SGMS1: variants seen among roughly 807,000 people sequenced by gnomAD.
SGMS1 encodes the protein sphingomyelin synthase 1.
A neutral mutation model predicts 46.2 loss-of-function variants in SGMS1; 13 were observed. That is an observed-to-expected ratio of 0.28 (90% CI 0.18 to 0.45). The LOEUF (loss-of-function observed/expected upper bound fraction) is 0.45. Among genes scored for constraint, SGMS1 ranks in the 20% least tolerant of loss-of-function variants. The pLI, the probability that SGMS1 is intolerant of heterozygous loss-of-function variation, is 1.00. For missense variants in SGMS1, 324 were observed against 519.9 expected (o/e 0.62, Z 3.66); for synonymous variants, 203 against 187.8 (o/e 1.08, Z -0.66).
intron 5 of SGMS1, among the ~76,000 whole-genome samples, chr10:50,458,979 C>G (rs1286716170): frequency 2.0e-5 from 3 of 152,132 alleles, no homozygotes; most frequent in Non-Finnish European, 4.4e-5. Context: ...TGAGCCAAAA[C>G]TAAGTACTTG....
At chr10:50,619,605 A>G (rs958612974) in intron 1 of SGMS1, among the ~76,000 whole-genome samples, 4 of 152,222 alleles carry the variant, frequency 2.6e-5, no homozygotes, top group African/African-American at 9.6e-5. Flanking sequence ...GCACAGTGAG[A>G]GGATCCTGTG....
At chr10:50,538,237 C>T (rs1265045786) in intron 2 of SGMS1, among the ~76,000 whole-genome samples, 2 of 151,984 alleles carry the variant, frequency 1.3e-5, no homozygotes, top group Non-Finnish European at 2.9e-5. Flanking sequence ...GCAGGCAGAT[C>T]ATGAGCTCAG....
At chr10:50,493,054 T>C (rs1460294004) in intron 3 of SGMS1, among the ~76,000 whole-genome samples, 1 of 151,956 alleles carries the variant, frequency 6.6e-6, no homozygotes, top group Non-Finnish European at 1.5e-5. Context: ...ACAACAATGC[T>C]GCTTCAAAAC....
intron 1 of SGMS1, among the ~76,000 whole-genome samples, chr10:50,611,596 C>T (rs1838750087): frequency 6.6e-6 from 1 of 152,238 alleles, no homozygotes; most frequent in Non-Finnish European, 1.5e-5. Flanking sequence ...TCACTGCCCT[C>T]ACCTACTCTG....
At chr10:50,546,356 G>A (rs1838100683) in intron 2 of SGMS1, among the ~76,000 whole-genome samples, 1 of 151,936 alleles carries the variant, frequency 6.6e-6, no homozygotes, top group Non-Finnish European at 1.5e-5. Context: ...ATTTGACCCA[G>A]CCATCCCATT....
intron 4 of SGMS1, among the ~76,000 whole-genome samples, chr10:50,461,324 G>A (rs1028821129): frequency 6.6e-6 from 1 of 152,072 alleles, no homozygotes; most frequent in Non-Finnish European, 1.5e-5. Context: ...AGTTATATAT[G>A]TGTAAATGGT....
chr10:50,424,594 T>G (rs937258746), intron 6 of SGMS1, among the ~76,000 whole-genome samples: 11 of 152,090 alleles, frequency 7.2e-5, no homozygotes, highest in Admixed American at 2.6e-4. Flanking sequence ...AGCAAAACAA[T>G]CAACAGAATA....
intron 3 of SGMS1, among the ~76,000 whole-genome samples, chr10:50,482,793 T>G (rs1837488437): frequency 6.6e-6 from 1 of 152,164 alleles, no homozygotes; most frequent in Non-Finnish European, 1.5e-5. Flanking sequence ...GACCCATCTG[T>G]GCACTGTATT....
chr10:50,495,999 C>T (rs1245620304), intron 3 of SGMS1, among the ~76,000 whole-genome samples: 1 of 152,032 alleles, frequency 6.6e-6, no homozygotes, highest in Non-Finnish European at 1.5e-5. Flanking sequence ...AAAAAATGAA[C>T]AATTTTTTAA....
At chr10:50,592,768 G>A (rs1051230040) in intron 1 of SGMS1, among the ~76,000 whole-genome samples, 2 of 152,134 alleles carry the variant, frequency 1.3e-5, no homozygotes, top group African/African-American at 4.8e-5. Context: ...AACACATTCA[G>A]TATCTATAAA....
intron 7 of SGMS1, 45 bp from the exon 8 acceptor site, chr10:50,327,367 T>C (rs1564875544): frequency 1.8e-6 from 2 of 1,123,202 alleles, no homozygotes; most frequent in South Asian, 2.7e-5. Flanking sequence ...CAAGAAATTC[T>C]GTAGGTTCAT....
upstream of SGMS1, chr10:50,624,092 G>C: frequency 1.0e-6 from 1 of 985,224 alleles, no homozygotes; most frequent in South Asian, 4.7e-5. Flanking sequence ...CCGGGACCGA[G>C]CGGGACCCCG....
intron 6 of SGMS1, among the ~76,000 whole-genome samples, chr10:50,428,320 T>C (rs183495623): frequency 2.2e-4 from 34 of 152,218 alleles, no homozygotes; most frequent in African/African-American, 8.2e-4. Flanking sequence ...TAAAGTGTCT[T>C]CTCAGAAATG....
intron 3 of SGMS1, among the ~76,000 whole-genome samples, chr10:50,476,116 A>AAT: frequency 6.8e-6 from 1 of 146,886 alleles, no homozygotes; most frequent in Non-Finnish European, 1.5e-5. Flanking sequence ...AAAAAAAAAA[A>AAT]AAAAAAAATT....
chr10:50,522,524 T>G (rs950763808), intron 2 of SGMS1, among the ~76,000 whole-genome samples: 8 of 152,300 alleles, frequency 5.3e-5, no homozygotes, highest in South Asian at 2.1e-4. Flanking sequence ...CCTGTTACTT[T>G]GCATGCTTCT....
At chr10:50,320,559 C>T (rs1452546488) in intron 8 of SGMS1, among the ~76,000 whole-genome samples, 1 of 152,168 alleles carries the variant, frequency 6.6e-6, no homozygotes, top group Non-Finnish European at 1.5e-5. Flanking sequence ...AAAACTTTTC[C>T]TGGCTTCCTA....
Position 50,561,176 on chromosome 10 carries a change from A to T in SGMS1, c.-589+28977T>A, listed in dbSNP as rs146974013. On this transcript the variant is annotated intron_variant, in intron 2 of 10. Coordinates refer to ENST00000361781, the MANE Select transcript of SGMS1 (RefSeq NM_147156.4). ...TGATACGACCTCAGGAAAAATCAACATTTCTCTGGGTCTTTTGTCACTTGC... is the reference window on the plus strand; with the variant it reads ...TGATACGACCTCAGGAAAAATCAACTTTTCTCTGGGTCTTTTGTCACTTGC... Among the ~76,000 whole-genome samples, 200 of 152,242 alleles carry T rather than the reference A, an allele frequency of 1.3e-3. 1 individual carries two copies. Among genetic ancestry groups the T allele is most frequent in the African/African-American group, 4.5e-3 (187 of 41,540 alleles).
intron 2 of SGMS1, among the ~76,000 whole-genome samples, chr10:50,586,990 A>G (rs906291902): frequency 3.3e-5 from 5 of 152,266 alleles, no homozygotes; most frequent in African/African-American, 9.6e-5. Flanking sequence ...ACTATATGCA[A>G]TAATATGCAG....
At chr10:50,444,308 C>T (rs1318570255) in intron 5 of SGMS1, among the ~76,000 whole-genome samples, 4 of 152,026 alleles carry the variant, frequency 2.6e-5, no homozygotes, top group Admixed American at 6.6e-5. Context: ...AATACAAAAA[C>T]CAGACAAACA....
Sources: gnomAD v4.1 joint callset for allele counts (sites outside exome capture counted in the v4.1 genomes callset) on GRCh38, gnomAD v4.1.1 for gene constraint, MANE v1.5 for transcripts, NCBI Gene and HGNC (gene_info 2026-07-23, HGNC 2026-07-21) for gene names.